MYOM1: variants seen among roughly 807,000 people sequenced by gnomAD.
MYOM1 encodes myomesin 1.
In MYOM1, 164 loss-of-function variants were observed where a neutral mutation model predicts 205.3. That is an observed-to-expected ratio of 0.80 (90% CI 0.70 to 0.91). The LOEUF (loss-of-function observed/expected upper bound fraction) is 0.91, where lower values mean the gene tolerates loss of function less well. MYOM1 is among the 40% of genes least tolerant of loss of function. The pLI is 0.00. For synonymous variants in MYOM1, 772 were observed against 789.4 expected, an observed-to-expected ratio of 0.98 and a Z score of 0.37; for missense variants, 2,011 against 2,127.3, an observed-to-expected ratio of 0.95 and a Z score of 1.08.
chr18:3,232,589 C>T, the MYOM1 span, among the ~76,000 whole-genome samples: 1 of 152,054 alleles, frequency 6.6e-6, no homozygotes, highest in Non-Finnish European at 1.5e-5. Context: ...TCACTTGGTA[C>T]AGTTTAAATA....
chr18:3,098,213 A>C (rs1365088679), intron 25 of MYOM1, among the ~76,000 whole-genome samples: 1 of 152,156 alleles, frequency 6.6e-6, no homozygotes, highest in Non-Finnish European at 1.5e-5. Context: ...ATTTTTCCTG[A>C]ATAGTTCATG....
Position 3,209,424 on chromosome 18 carries a change from A to T in MYOM1, c.290+5510T>A, listed in dbSNP as rs746792768. Among the ~76,000 whole-genome samples, 10 of 152,230 alleles carry T rather than the reference A, an allele frequency of 6.6e-5. No homozygotes were observed. Among genetic ancestry groups the T allele is most frequent in the Non-Finnish European group, 1.2e-4 (8 of 68,034 alleles). ...TAACAAGGGAACTTGCTTCTGCAACAGTCACAGTGATGCTGTTACCACTGA... is the reference window on the plus strand; with the variant it reads ...TAACAAGGGAACTTGCTTCTGCAACTGTCACAGTGATGCTGTTACCACTGA... On this transcript the variant is annotated intron_variant, in intron 2 of 37. Coordinates refer to ENST00000356443, the MANE Select transcript of MYOM1 (RefSeq NM_003803.4). The surrounding 1 kb of genome is among the most constrained non-coding windows in gnomAD (Gnocchi z 4.0).
At chr18:3,200,187 AAAAC>A (rs1699742133) in intron 2 of MYOM1, among the ~76,000 whole-genome samples, 1 of 152,166 alleles carries the variant, frequency 6.6e-6, no homozygotes, top group African/African-American at 2.4e-5. Flanking sequence ...AACAAAAACA[AAAAC>A]AAAAAAACCC....
chr18:3,100,776 G>C (rs2079364870), intron 23 of MYOM1, among the ~76,000 whole-genome samples: 3 of 152,318 alleles, frequency 2.0e-5, no homozygotes, highest in South Asian at 4.1e-4. Flanking sequence ...AGAACCTGCT[G>C]TTGGTAACTC....
the MYOM1 span, among the ~76,000 whole-genome samples, chr18:3,244,694 C>T: frequency 1.3e-5 from 2 of 150,434 alleles, no homozygotes; most frequent in East Asian, 2.0e-4. Context: ...AGTTGGCAAC[C>T]AGCCTGGCCA....
At chr18:3,196,460 C>G (rs1213669560) in intron 2 of MYOM1, among the ~76,000 whole-genome samples, 1 of 152,108 alleles carries the variant, frequency 6.6e-6, no homozygotes, top group African/African-American at 2.4e-5. Context: ...GAGTAGATAC[C>G]AAACAATATG....
At chr18:3,106,417 T>TCGTA (rs1567908331) in intron 22 of MYOM1, among the ~76,000 whole-genome samples, 1 of 152,192 alleles carries the variant, frequency 6.6e-6, no homozygotes, top group Non-Finnish European at 1.5e-5. Context: ...AACCTATGAG[T>TCGTA]CGTACATCAT....
intron 20 of MYOM1, 86 bp downstream of exon 20, chr18:3,119,783 A>G: frequency 6.7e-7 from 1 of 1,503,580 alleles, no homozygotes; most frequent in Non-Finnish European, 8.9e-7. Flanking sequence ...TATTGACCAT[A>G]TAGTACTTTG....
intron 20 of MYOM1, among the ~76,000 whole-genome samples, chr18:3,119,505 G>T (rs2079653925): frequency 6.6e-6 from 1 of 152,170 alleles, no homozygotes; most frequent in South Asian, 2.1e-4. Context: ...AAATTTTGCT[G>T]TGGGATATAA....
At chr18:3,208,185 T>G (rs1405208680) in intron 2 of MYOM1, among the ~76,000 whole-genome samples, 3 of 152,116 alleles carry the variant, frequency 2.0e-5, no homozygotes, top group Non-Finnish European at 4.4e-5. Flanking sequence ...CCATTCTCCT[T>G]GGATTTAGGG....
At chr18:3,103,655 A>T (rs2079411839) in intron 22 of MYOM1, among the ~76,000 whole-genome samples, 1 of 152,220 alleles carries the variant, frequency 6.6e-6, no homozygotes, top group South Asian at 2.1e-4. Context: ...AAGCATAAAA[A>T]AACCTTCCAA....
intron 14 of MYOM1, among the ~76,000 whole-genome samples, chr18:3,141,075 G>GT (rs1477800207): frequency 6.6e-6 from 1 of 152,036 alleles, no homozygotes; most frequent in Admixed American, 6.5e-5. Flanking sequence ...TTTAAATGTC[G>GT]TTTTCCAGTA....
chr18:3,163,355 G>T (rs1598735570), intron 10 of MYOM1, among the ~76,000 whole-genome samples: 1 of 152,178 alleles, frequency 6.6e-6, no homozygotes, highest in East Asian at 1.9e-4. Context: ...CCCTGAAGAC[G>T]AAGAAAGTCC....
At chr18:3,205,438 C>T (rs1419895704) in intron 2 of MYOM1, among the ~76,000 whole-genome samples, 1 of 151,992 alleles carries the variant, frequency 6.6e-6, no homozygotes, top group Non-Finnish European at 1.5e-5. Flanking sequence ...AAAGAAGATA[C>T]AGAAATGGCT....
At chr18:3,122,095 A>AG (rs914689600) in intron 19 of MYOM1, among the ~76,000 whole-genome samples, 83 of 152,272 alleles carry the variant, frequency 5.5e-4, no homozygotes, top group African/African-American at 1.9e-3. Context: ...CTCCAGCCTC[A>AG]GGGACAGAGT....
At chr18:3,214,791 A>G in intron 2 of MYOM1, 143 bp downstream of exon 2, 1 of 899,864 alleles carries the variant, frequency 1.1e-6, no homozygotes, top group Non-Finnish European at 1.6e-6. Context: ...ACGCCATTGC[A>G]CTCCAGCCTG....
rs562411079 is a variant in MYOM1, at chr18:3,088,948, G to C, written c.4137+226C>G. On this transcript the variant is annotated intron_variant, in intron 29 of 37. Transcript: ENST00000356443. Reference sequence around the variant, plus strand: ...TAAAAGTCTAGGGTGTTACTAACTAGATCATGAGTAGTGACTAGGAATGAT... The same window carrying C: ...TAAAAGTCTAGGGTGTTACTAACTACATCATGAGTAGTGACTAGGAATGAT... 8.5e-5 allele frequency among the ~76,000 whole-genome samples: 13 copies of C among 152,304 alleles called. 1 individual carries two copies. The East Asian group carries it at 2.5e-3, about 29-fold the overall frequency.
intron 9 of MYOM1, 66 bp from the exon 10 acceptor site, chr18:3,164,505 C>T: frequency 1.4e-6 from 2 of 1,380,282 alleles, no homozygotes; most frequent in Non-Finnish European, 2.0e-6. Context: ...CTTGTCTCCC[C>T]TCCATTCCTC....
intron 17 of MYOM1, among the ~76,000 whole-genome samples, chr18:3,131,173 A>C (rs149581707): frequency 2.5e-4 from 38 of 152,364 alleles, no homozygotes; most frequent in Non-Finnish European, 4.9e-4. Flanking sequence ...ATGGATGCAC[A>C]GAATCTGGAT....
Sources: allele counts gnomAD v4.1 joint callset (sites outside exome capture counted in the v4.1 genomes callset), GRCh38; gene constraint gnomAD v4.1.1; non-coding constraint Gnocchi (gnomAD v3.1); transcripts MANE v1.5; gene names NCBI Gene and HGNC (gene_info 2026-07-23, HGNC 2026-07-21).